Variants in ADAM32 observed in about 807,000 individuals in gnomAD.
ADAM32 encodes the protein ADAM metallopeptidase domain 32.
ADAM32 carries 89 observed loss-of-function variants against 114.9 expected under a neutral mutation model. The observed-to-expected ratio is 0.77, with a 90% CI of 0.65 to 0.92. The LOEUF is 0.92. Among genes scored for constraint, ADAM32 ranks in the 40% least tolerant of loss-of-function variants. The probability of loss-of-function intolerance (pLI) is 0.00; values close to 1 mark genes in which losing one functional copy is unlikely to be tolerated. For synonymous variants in ADAM32, 285 were observed against 307.5 expected, an observed-to-expected ratio of 0.93 and a Z score of 0.77; for missense variants, 870 against 932.8, an observed-to-expected ratio of 0.93 and a Z score of 0.88.
chr8:39,147,367 T>C (rs908563123), intron 4 of ADAM32, among the ~76,000 whole-genome samples, 162 bp downstream of exon 4: 1 of 152,054 alleles, frequency 6.6e-6, no homozygotes, highest in Non-Finnish European at 1.5e-5. Context: ...ACAAATTAGA[T>C]TGACTTAGCA....
intron 19 of ADAM32, among the ~76,000 whole-genome samples, chr8:39,258,560 C>A (rs1186727789): frequency 6.6e-6 from 1 of 151,796 alleles, no homozygotes; most frequent in African/African-American, 2.4e-5. Context: ...AAATAATTTT[C>A]TAATTTTATT....
chr8:39,197,619 A>T (rs185025457), intron 11 of ADAM32, among the ~76,000 whole-genome samples: 4 of 152,274 alleles, frequency 2.6e-5, no homozygotes, highest in Admixed American at 2.6e-4. Context: ...GTATTTGTAC[A>T]GTTTTCAAAA....
intron 11 of ADAM32, among the ~76,000 whole-genome samples, chr8:39,208,229 G>A (rs952398453): frequency 2.4e-4 from 36 of 152,056 alleles, no homozygotes; most frequent in African/African-American, 7.5e-4. Context: ...TTTATAGTGT[G>A]TAATTTTTTG....
intron 1 of ADAM32, among the ~76,000 whole-genome samples, chr8:39,116,601 T>A (rs936315717): frequency 6.6e-5 from 10 of 152,230 alleles, no homozygotes; most frequent in African/African-American, 2.4e-4. Context: ...CCTGAAACTT[T>A]ACTGAAGTTG....
chr8:39,242,863 T>G (rs905038244), intron 16 of ADAM32, among the ~76,000 whole-genome samples: 1 of 152,122 alleles, frequency 6.6e-6, no homozygotes, highest in Non-Finnish European at 1.5e-5. Flanking sequence ...TTTGAAAAGA[T>G]AAACAAAACG....
intron 6 of ADAM32, among the ~76,000 whole-genome samples, chr8:39,155,442 A>T (rs771490770): frequency 6.6e-6 from 1 of 152,364 alleles, no homozygotes; most frequent in Admixed American, 6.5e-5. Context: ...ATAGCATGAC[A>T]TTGAGAGAGG....
At chr8:39,239,129 TA>T (rs1466726377) in intron 16 of ADAM32, among the ~76,000 whole-genome samples, 1 of 152,060 alleles carries the variant, frequency 6.6e-6, no homozygotes, top group African/African-American at 2.4e-5. Context: ...TCAGGTTATT[TA>T]AAGTAAAGAT....
chr8:39,139,735 A>T (rs534551315), intron 3 of ADAM32, among the ~76,000 whole-genome samples: 2 of 152,210 alleles, frequency 1.3e-5, no homozygotes, highest in East Asian at 3.9e-4. Flanking sequence ...CTTGATGGGG[A>T]TGGCATTGAA....
chr8:39,164,993 T>C, intron 8 of ADAM32, 37 bp from the exon 9 acceptor site: 1 of 1,545,144 alleles, frequency 6.5e-7, no homozygotes, highest in Non-Finnish European at 8.8e-7. Context: ...ATAACATAAA[T>C]ATTAATTATG....
chr8:39,220,711 TTG>T (rs1456519385), intron 12 of ADAM32, among the ~76,000 whole-genome samples: 1 of 152,098 alleles, frequency 6.6e-6, no homozygotes, highest in East Asian at 1.9e-4. Flanking sequence ...TTCTGTGTGC[TTG>T]TGTAGTTTTC....
chr8:39,177,381 C>T (rs1183220353), intron 10 of ADAM32, among the ~76,000 whole-genome samples: 2 of 152,084 alleles, frequency 1.3e-5, no homozygotes, highest in Non-Finnish European at 2.9e-5. Flanking sequence ...TATTTTGAGC[C>T]TATGTGTCTT....
chr8:39,164,154 G>A lies in ADAM32; in HGVS notation c.595-610G>A, dbSNP rs141910414. Among the ~76,000 whole-genome samples the A allele has an allele frequency of 2.7e-4, 41 of 152,270 alleles. No homozygotes were observed. The East Asian group carries it at 6.0e-3, about 22-fold the overall frequency. ...TTAGAGCCACACTGATCCCCTGCCCGCTTCTGAGCCTTTGGTGTCCACTAA... is the reference window on the plus strand; with the variant it reads ...TTAGAGCCACACTGATCCCCTGCCCACTTCTGAGCCTTTGGTGTCCACTAA... On this transcript the variant is annotated intron_variant, in intron 7 of 24. Transcript: ENST00000379907.
chr8:39,180,232 C>T (rs1011336249), intron 10 of ADAM32, among the ~76,000 whole-genome samples: 2 of 152,220 alleles, frequency 1.3e-5, no homozygotes, highest in Non-Finnish European at 2.9e-5. Context: ...CCTGCCGACC[C>T]CAGGCAGTGA....
intron 1 of ADAM32, among the ~76,000 whole-genome samples, chr8:39,108,508 T>C (rs1212541706): frequency 6.6e-6 from 1 of 152,160 alleles, no homozygotes; most frequent in Non-Finnish European, 1.5e-5. Context: ...ATTGAAAAAC[T>C]GTAAAAGTTC....
intron 3 of ADAM32, among the ~76,000 whole-genome samples, chr8:39,138,506 T>A (rs991790048): frequency 6.6e-6 from 1 of 152,222 alleles, no homozygotes; most frequent in East Asian, 1.9e-4. Context: ...CATAAACTCA[T>A]CCTTTTTTAT....
chr8:39,130,055 A>T, intron 2 of ADAM32: 1 of 224,616 alleles, frequency 4.5e-6, no homozygotes. Flanking sequence ...CCCAGGTTCA[A>T]GTGATTCTCC....
intron 3 of ADAM32, among the ~76,000 whole-genome samples, chr8:39,144,052 T>A (rs1337892383): frequency 1.3e-5 from 2 of 152,198 alleles, no homozygotes; most frequent in Non-Finnish European, 2.9e-5. Flanking sequence ...TATCTCCTGG[T>A]CTGCTGATTG....
chr8:39,226,831 C>T (rs536589843), intron 14 of ADAM32, among the ~76,000 whole-genome samples: 28 of 152,182 alleles, frequency 1.8e-4, no homozygotes, highest in Admixed American at 3.9e-4. Context: ...AAAAATATAA[C>T]GTTCACTGGT....
At chr8:39,191,226 G>GT (rs2129447392) in intron 11 of ADAM32, among the ~76,000 whole-genome samples, 2 of 152,292 alleles carry the variant, frequency 1.3e-5, no homozygotes, top group East Asian at 3.9e-4. Flanking sequence ...ACATGCGTGA[G>GT]TCTTTATGAT....
Sources: allele counts gnomAD v4.1 joint callset (sites outside exome capture counted in the v4.1 genomes callset), GRCh38; gene constraint gnomAD v4.1.1; transcripts MANE v1.5; gene names NCBI Gene and HGNC (gene_info 2026-07-23, HGNC 2026-07-21).